The following CDH18 variants were observed in gnomAD, a reference collection of about 807,000 sequenced individuals.
The protein encoded by CDH18 is cadherin-18.
CDH18 carries 31 observed loss-of-function variants against 67.9 expected under a neutral mutation model. The ratio of observed to expected loss-of-function variants is 0.46; its 90% CI spans 0.34 to 0.62. CDH18 has a LOEUF of 0.62. CDH18 is among the 20% of genes least tolerant of loss of function. The probability of loss-of-function intolerance (pLI) is 0.01; values close to 1 mark genes in which losing one functional copy is unlikely to be tolerated. For missense variants in CDH18, 890 were observed against 975.5 expected (o/e 0.91, Z 1.17); for synonymous variants, 362 against 347.2 (o/e 1.04, Z -0.48).
intron 5 of CDH18, among the ~76,000 whole-genome samples, chr5:19,687,223 G>A (rs376157266): frequency 1.4e-4 from 21 of 152,186 alleles, no homozygotes; most frequent in African/African-American, 3.6e-4. Context: ...GCATTGCTCC[G>A]GGAGGGAGTG....
At chr5:20,440,753 T>A (rs1010278264) in intron 1 of CDH18, among the ~76,000 whole-genome samples, 9 of 151,938 alleles carry the variant, frequency 5.9e-5, no homozygotes, top group Non-Finnish European at 1.2e-4. Flanking sequence ...TCTTTACTGA[T>A]CTCATGGAGA....
chr5:20,443,004 T>A (rs1461460756), intron 1 of CDH18, among the ~76,000 whole-genome samples: 1 of 150,702 alleles, frequency 6.6e-6, no homozygotes, highest in East Asian at 2.0e-4. Flanking sequence ...GGTCAGGAGA[T>A]CGAGACCATC....
chr5:20,342,537 T>C (rs1231948088), intron 1 of CDH18, among the ~76,000 whole-genome samples: 1 of 152,120 alleles, frequency 6.6e-6, no homozygotes, highest in Non-Finnish European at 1.5e-5. Flanking sequence ...AGAGGTAAAG[T>C]TGAGAGTGTG....
chr5:20,520,393 G>T lies in CDH18; in HGVS notation c.-580+55069C>A, dbSNP rs117068081. Among the ~76,000 whole-genome samples, 80 of 152,196 alleles carry T rather than the reference G, an allele frequency of 5.3e-4. No individual in the cohort carries two copies. The East Asian group carries it at 0.011, about 22-fold the overall frequency. The stretch of plus-strand genomic sequence containing the variant: ...GCAAAACAATCATGCATGCAAAAGA[G>T]AATATGGAAACGTTATGGTAGAGTC... On this transcript the variant is annotated intron_variant, in intron 1 of 14. Transcript: ENST00000507958.
rs17839207 is a variant in CDH18, at chr5:19,552,762, G to A, written c.1254-8757C>T. ...GCCCTCTAACTGGACAAGTCCCATA[G>A]GCAAACCTTAACTAATTTCACACTG... On this transcript the variant is annotated intron_variant, in intron 8 of 12. Transcript: ENST00000382275. Among the ~76,000 whole-genome samples, 1,271 of 152,194 alleles carry A rather than the reference G, an allele frequency of 8.4e-3. 43 individuals carry two copies. In the East Asian group the frequency reaches 0.096, roughly 11 times the overall value.
At chr5:19,751,751 C>T (rs1770872899) in intron 3 of CDH18, among the ~76,000 whole-genome samples, 1 of 152,022 alleles carries the variant, frequency 6.6e-6, no homozygotes, top group Non-Finnish European at 1.5e-5. Flanking sequence ...TAATTACACA[C>T]CAATAAATGT....
chr5:19,899,790 G>T (rs992923016), intron 2 of CDH18, among the ~76,000 whole-genome samples: 2 of 152,106 alleles, frequency 1.3e-5, no homozygotes, highest in Admixed American at 6.6e-5. Context: ...ATGCCACAAC[G>T]TGGGTGAATC....
chr5:19,845,837 C>G (rs4400127), intron 2 of CDH18, among the ~76,000 whole-genome samples: 123,698 of 151,338 alleles, frequency 0.82, 51,862 homozygotes, highest in Non-Finnish European at 0.91. Flanking sequence ...CTCTCTTTCG[C>G]TTAACATTTG....
intron 3 of CDH18, among the ~76,000 whole-genome samples, chr5:19,760,941 A>G (rs1469537432): frequency 6.6e-6 from 1 of 152,172 alleles, no homozygotes; most frequent in East Asian, 1.9e-4. Flanking sequence ...GGATGTCGCC[A>G]CTACTGGGGA....
chr5:19,967,996 C>T (rs180899128), intron 2 of CDH18, among the ~76,000 whole-genome samples: 4 of 143,224 alleles, frequency 2.8e-5, no homozygotes, highest in Non-Finnish European at 4.4e-5. Flanking sequence ...AGCAAAGTCT[C>T]AGGATACAAA....
chr5:19,671,736 A>G (rs1176387787), intron 5 of CDH18, among the ~76,000 whole-genome samples: 1 of 152,188 alleles, frequency 6.6e-6, no homozygotes, highest in African/African-American at 2.4e-5. Flanking sequence ...AATCTAGGAA[A>G]GAGAGTAAAG....
At chr5:19,885,762 C>T (rs964217621) in intron 2 of CDH18, among the ~76,000 whole-genome samples, 8 of 152,100 alleles carry the variant, frequency 5.3e-5, no homozygotes, top group African/African-American at 1.7e-4. Flanking sequence ...CAATGCAGCT[C>T]TTCTATTATT....
rs367833171 is a variant in CDH18 at position 19,858,356 on chromosome 5, C to T, written c.-256-19114G>A. 7.2e-5 allele frequency among the ~76,000 whole-genome samples: 11 copies of T among 152,192 alleles called. No individual in the cohort carries two copies. In the South Asian group the frequency reaches 2.1e-3, roughly 29 times the overall value. On this transcript the variant is annotated intron_variant, in intron 2 of 12. Coordinates refer to ENST00000382275, the MANE Select transcript of CDH18 (RefSeq NM_004934.5). ...TTATCAGACCTAAAAAGTTGCTGGACCCAGTTATTCTCTCCCAGATCAGGA... is the reference window on the plus strand; with the variant it reads ...TTATCAGACCTAAAAAGTTGCTGGATCCAGTTATTCTCTCCCAGATCAGGA...
chr5:19,607,026 TATTGAAATGGAGAAA>T (rs1381234394), intron 6 of CDH18, among the ~76,000 whole-genome samples: 2 of 151,714 alleles, frequency 1.3e-5, no homozygotes, highest in African/African-American at 2.4e-5. Context: ...TATTAATAAT[TATTGAAATGGAGAAA>T]ATCCTTCAAA....
intron 5 of CDH18, among the ~76,000 whole-genome samples, chr5:19,651,982 C>T (rs1290904877): frequency 1.3e-5 from 2 of 151,950 alleles, no homozygotes; most frequent in South Asian, 2.1e-4. Context: ...GGATACAAAA[C>T]ATATCCAGGC....
intron 2 of CDH18, among the ~76,000 whole-genome samples, chr5:19,937,190 C>G (rs1006838854): frequency 1.3e-5 from 2 of 151,260 alleles, no homozygotes; most frequent in Non-Finnish European, 3.0e-5. Flanking sequence ...TGGGAAGGGT[C>G]TTTTGTAACT....
At chr5:19,755,225 GAAAT>G (rs1236961271) in intron 3 of CDH18, among the ~76,000 whole-genome samples, 1 of 149,762 alleles carries the variant, frequency 6.7e-6, no homozygotes, top group Non-Finnish European at 1.5e-5. Flanking sequence ...ATAAAAAAAA[GAAAT>G]AAAAAGCTGG....
At chr5:20,452,645 A>G (rs1004752969) in intron 1 of CDH18, among the ~76,000 whole-genome samples, 2 of 152,110 alleles carry the variant, frequency 1.3e-5, no homozygotes, top group African/African-American at 4.8e-5. Flanking sequence ...TCAGAAAAAA[A>G]TAACTATTGT....
rs751417688 is a variant in CDH18, at chr5:20,376,260, A to AT, written c.-579-120756dup. 3.3e-5 allele frequency among the ~76,000 whole-genome samples: 5 copies of AT among 150,712 alleles called. No homozygotes were observed. The East Asian group carries it at 7.9e-4, about 24-fold the overall frequency. On this transcript the variant is annotated intron_variant, in intron 1 of 14. Coordinates refer to the CDH18 transcript ENST00000507958. ...AGGCGCCCGCCACCTCGCCCAGCTA[A>AT]TTTTTTGTATTTTTAGTAGAGACGG...
Sources: allele counts gnomAD v4.1 joint callset (sites outside exome capture counted in the v4.1 genomes callset), GRCh38; gene constraint gnomAD v4.1.1; transcripts MANE v1.5; gene names NCBI Gene and HGNC (gene_info 2026-07-23, HGNC 2026-07-21).